The following KDM2A variants were observed in gnomAD, a reference collection of about 807,000 sequenced individuals.
KDM2A encodes lysine-specific demethylase 2A.
Under a neutral mutation model 137.3 loss-of-function variants are expected in KDM2A, and 3 were observed. That is an observed-to-expected ratio of 0.02 (90% CI 0.01 to 0.06). KDM2A has a LOEUF of 0.06. Ranked by LOEUF, KDM2A falls within the 10% of genes least tolerant of loss-of-function variation. KDM2A has a pLI of 1.00. For synonymous variants in KDM2A, 512 were observed against 541.5 expected, an observed-to-expected ratio of 0.95 and a Z score of 0.76; for missense variants, 738 against 1,510.6, an observed-to-expected ratio of 0.49 and a Z score of 8.48.
chr11:67,179,374 A>G (rs1008592501), intron 2 of KDM2A, among the ~76,000 whole-genome samples: 3 of 152,176 alleles, frequency 2.0e-5, no homozygotes, highest in Non-Finnish European at 2.9e-5. Flanking sequence ...CCCAGGTTCA[A>G]GCGATTCTCC....
At chr11:67,235,250 T>C (rs1038532235) in intron 12 of KDM2A, among the ~76,000 whole-genome samples, 2 of 151,484 alleles carry the variant, frequency 1.3e-5, no homozygotes, top group African/African-American at 4.9e-5. Context: ...TTGTGGGTAA[T>C]GTTGACTCTT....
chr11:67,229,959 G>A (rs1360028731), intron 11 of KDM2A, among the ~76,000 whole-genome samples: 2 of 151,882 alleles, frequency 1.3e-5, no homozygotes, highest in African/African-American at 2.4e-5. Flanking sequence ...GGCCAATCAC[G>A]AGGTCAGGAG....
At chr11:67,164,245 C>T (rs751547184) in intron 2 of KDM2A, among the ~76,000 whole-genome samples, 2 of 152,120 alleles carry the variant, frequency 1.3e-5, no homozygotes, top group South Asian at 2.1e-4. Context: ...ATTTGTTCTT[C>T]TGATTATGTA....
In KDM2A at chr11:67,192,734, C is replaced by T. The variant is rs7104783; in HGVS notation, c.307+10842C>T. 6.0e-3 allele frequency among the ~76,000 whole-genome samples: 909 copies of T among 152,008 alleles called. 14 individuals are homozygous for T. The highest frequency in any genetic ancestry group is 0.021 in the African/African-American group (855 of 41,466). On this transcript the variant is annotated intron_variant, in intron 5 of 20. Coordinates refer to ENST00000529006, the MANE Select transcript of KDM2A (RefSeq NM_012308.3). The stretch of plus-strand genomic sequence containing the variant: ...TGCTAGGATTACAGGCATGAGCCAC[C>T]GTGCCTGGCCTCCATTTCTTGTCTT...
intron 2 of KDM2A, among the ~76,000 whole-genome samples, chr11:67,177,716 G>A (rs1307905242): frequency 6.6e-6 from 1 of 151,866 alleles, no homozygotes; most frequent in East Asian, 1.9e-4. Context: ...AAAAAAAAAA[G>A]TAGAAGGAAT....
chr11:67,216,096 C>T, intron 8 of KDM2A, 147 bp downstream of exon 8: 1 of 709,168 alleles, frequency 1.4e-6, no homozygotes, highest in Admixed American at 2.2e-5. Context: ...ATTAAGTTCA[C>T]CTTCTTGGCT....
At position 67,254,605 on chromosome 11, in the gene KDM2A, G is replaced by C; in HGVS notation, c.3307+187G>C. On this transcript the variant is annotated intron_variant, in intron 20 of 20. Coordinates refer to ENST00000529006, the MANE Select transcript of KDM2A (RefSeq NM_012308.3). The surrounding 1 kb of genome is among the most constrained non-coding windows in gnomAD (Gnocchi z 4.7). Reference sequence around the variant, plus strand: ...TGATGGGGGACTGAGGCCTTGAGTAGTTAAGTCGGTTGCCTGTCTGCGCAG... The same window carrying C: ...TGATGGGGGACTGAGGCCTTGAGTACTTAAGTCGGTTGCCTGTCTGCGCAG... 4.6e-6 allele frequency: 3 copies of C among 648,948 alleles called. No individual in the cohort carries two copies. Among genetic ancestry groups the C allele is most frequent in the Non-Finnish European group, 8.0e-6 (3 of 373,852 alleles). The allele number at this position is 648,948 out of a possible 1,614,324, so 40.2% of individuals were successfully genotyped here. A position where few individuals can be genotyped will look rare whatever the true frequency, so the allele number is the denominator to read the frequency against.
intron 12 of KDM2A, among the ~76,000 whole-genome samples, chr11:67,242,730 C>T (rs923043625): frequency 1.4e-4 from 21 of 152,164 alleles, no homozygotes; most frequent in African/African-American, 5.1e-4. Flanking sequence ...GTCTCAAACT[C>T]CTGGCTCAAG....
intron 5 of KDM2A, among the ~76,000 whole-genome samples, chr11:67,190,236 C>T (rs566964127): frequency 2.6e-4 from 40 of 152,230 alleles, no homozygotes; most frequent in African/African-American, 7.9e-4. Flanking sequence ...GTGATGAAAC[C>T]CTGTCTCTAC....
intron 6 of KDM2A, 87 bp from the exon 7 acceptor site, chr11:67,215,253 A>T: frequency 1.3e-6 from 1 of 751,846 alleles, no homozygotes; most frequent in Non-Finnish European, 2.2e-6. Flanking sequence ...TATGTATTTT[A>T]AGAAATTCTG....
At chr11:67,242,255 TAGC>T (rs1046975621) in intron 12 of KDM2A, among the ~76,000 whole-genome samples, 3 of 147,594 alleles carry the variant, frequency 2.0e-5, no homozygotes, top group Non-Finnish European at 3.0e-5. Flanking sequence ...TAAAGGCAAA[TAGC>T]AGACTCTGTG....
chr11:67,182,055 A>G (rs1164663223), intron 5 of KDM2A, among the ~76,000 whole-genome samples, 163 bp downstream of exon 5: 1 of 152,250 alleles, frequency 6.6e-6, no homozygotes, highest in Admixed American at 6.5e-5. Flanking sequence ...AGAGAGTTAC[A>G]GAAGTTGCCT....
chr11:67,222,652 G>T, intron 10 of KDM2A, among the ~76,000 whole-genome samples: 1 of 129,958 alleles, frequency 7.7e-6, no homozygotes, highest in Non-Finnish European at 1.6e-5. Flanking sequence ...AGGGGCGGCC[G>T]GGCAGAGGCG....
chr11:67,249,294 A>G (rs905671728), intron 16 of KDM2A, among the ~76,000 whole-genome samples: 6 of 152,188 alleles, frequency 3.9e-5, no homozygotes, highest in African/African-American at 1.4e-4. Context: ...GCTGTGTTTT[A>G]GTATTACCTT....
chr11:67,191,554 A>G (rs915631848), intron 5 of KDM2A, among the ~76,000 whole-genome samples: 2 of 152,270 alleles, frequency 1.3e-5, no homozygotes, highest in Non-Finnish European at 2.9e-5. Flanking sequence ...AAATCAATCA[A>G]TATAAATTTC....
At chr11:67,187,649 A>G (rs1227187036) in intron 5 of KDM2A, among the ~76,000 whole-genome samples, 2 of 151,742 alleles carry the variant, frequency 1.3e-5, no homozygotes, top group Admixed American at 6.6e-5. Context: ...GTCTCGACTC[A>G]CTGCAACCTC....
chr11:67,173,780 A>C (rs964587844), intron 2 of KDM2A, among the ~76,000 whole-genome samples: 10 of 152,142 alleles, frequency 6.6e-5, no homozygotes. Context: ...TAGCCCCATC[A>C]TAACTCATGG....
At chr11:67,222,931 C>T (rs1858410667) in intron 10 of KDM2A, among the ~76,000 whole-genome samples, 1 of 150,180 alleles carries the variant, frequency 6.7e-6, no homozygotes, top group South Asian at 2.1e-4. Flanking sequence ...CAGTGGCTCA[C>T]ACCTGTAATC....
chr11:67,146,179 G>A (rs1044276475), intron 2 of KDM2A, among the ~76,000 whole-genome samples: 1 of 151,686 alleles, frequency 6.6e-6, no homozygotes, highest in Non-Finnish European at 1.5e-5. Flanking sequence ...ATTTTTAGTA[G>A]AGACAGGGTT....
Sources: allele counts gnomAD v4.1 joint callset (sites outside exome capture counted in the v4.1 genomes callset), GRCh38; gene constraint gnomAD v4.1.1; non-coding constraint Gnocchi (gnomAD v3.1); transcripts MANE v1.5; gene names NCBI Gene and HGNC (gene_info 2026-07-23, HGNC 2026-07-21).